Variants in PLSCR4 observed in about 807,000 individuals in gnomAD.
PLSCR4 encodes the protein phospholipid scramblase 4, also known as Ca(2+)-dependent phospholipid scramblase 4.
A neutral mutation model predicts 36.3 loss-of-function variants in PLSCR4; 25 were observed. That is an observed-to-expected ratio of 0.69 (90% CI 0.50 to 0.96). The LOEUF (loss-of-function observed/expected upper bound fraction) is 0.96, where lower values mean the gene tolerates loss of function less well. PLSCR4 is among the 40% of genes least tolerant of loss of function. The pLI is 0.00. For missense variants in PLSCR4, 408 were observed against 414.7 expected, an observed-to-expected ratio of 0.98 and a Z score of 0.14; for synonymous variants, 122 against 132.9, an observed-to-expected ratio of 0.92 and a Z score of 0.56.
Position 146,214,117 on chromosome 3 carries a change from C to CTTTT in PLSCR4, c.118+6694_118+6697dup, listed in dbSNP as rs1300325064. On this transcript the variant is annotated intron_variant, in intron 3 of 8. Transcript: ENST00000354952. ...GTTTGATTACTGATTTGATATCTTC[C>CTTTT]TTTTTTTTTTTTTTTTTTTTTTGAG... Among the ~76,000 whole-genome samples the CTTTT allele has an allele frequency of 1.1e-4, 6 of 55,802 alleles. 1 individual carries two copies. Among genetic ancestry groups the CTTTT allele is most frequent in the African/African-American group, 2.8e-4 (5 of 17,548 alleles). 36.6% of individuals were successfully genotyped at this position (55,802 alleles called of 152,430 possible). A position where few individuals can be genotyped will look rare whatever the true frequency, so the allele number is the denominator to read the frequency against.
At chr3:146,199,319 T>C (rs1044551803) in intron 6 of PLSCR4, among the ~76,000 whole-genome samples, 1 of 152,168 alleles carries the variant, frequency 6.6e-6, no homozygotes, top group African/African-American at 2.4e-5. Flanking sequence ...TCAGCACATC[T>C]GTATTCTAGT....
At chr3:146,216,312 A>G (rs2034889177) in intron 3 of PLSCR4, among the ~76,000 whole-genome samples, 1 of 152,158 alleles carries the variant, frequency 6.6e-6, no homozygotes, top group Non-Finnish European at 1.5e-5. Flanking sequence ...TGCATAATGA[A>G]AAATTCACTT....
intron 1 of PLSCR4, among the ~76,000 whole-genome samples, chr3:146,223,055 T>G (rs941412485): frequency 6.6e-6 from 1 of 151,584 alleles, no homozygotes; most frequent in African/African-American, 2.4e-5. Flanking sequence ...AGTGGGGGAA[T>G]AGTGGGGATG....
In PLSCR4 at chr3:146,199,825, A is replaced by T. The variant is rs1457272197; in HGVS notation, c.612T>A (p.Ser204=). The stretch of plus-strand genomic sequence containing the variant: ...TCCATTCTCTGACCTCTTGTCTGGC[A>T]GAGGGGCAACAGAAGCAACAGCAGG... ...RCTCCCFCCP[S]ARQELEVQCP... Residue 204 remains serine (S), a synonymous_variant, in exon 6 of 9, where the codon TCT becomes TCA. Coordinates refer to ENST00000354952, the MANE Select transcript of PLSCR4 (RefSeq NM_020353.3). 1 of 1,612,850 alleles carries T rather than the reference A, an allele frequency of 6.2e-7. No individual in the cohort carries two copies. Among genetic ancestry groups the T allele is most frequent in the Admixed American group, 1.7e-5 (1 of 59,802 alleles).
chr3:146,218,765 C>G (rs368583548), intron 3 of PLSCR4, among the ~76,000 whole-genome samples: 1 of 152,092 alleles, frequency 6.6e-6, no homozygotes, highest in African/African-American at 2.4e-5. Context: ...TGTTACGGAG[C>G]GTTGTCCTAC....
At chr3:146,220,987 TTC>T (rs2035112427) in intron 2 of PLSCR4, 62 bp from the exon 3 acceptor site, 1 of 976,102 alleles carries the variant, frequency 1.0e-6, no homozygotes, top group Non-Finnish European at 1.5e-6. Context: ...ACAAAATGTA[TTC>T]TTTTTCCTTT....
At chr3:146,244,968 G>C (rs1426525753) in intron 1 of PLSCR4, among the ~76,000 whole-genome samples, 1 of 152,034 alleles carries the variant, frequency 6.6e-6, no homozygotes, top group East Asian at 1.9e-4. Context: ...TTATTCATGG[G>C]AGGAAGTCAA....
At chr3:146,213,334 C>CTT (rs60242461) in intron 3 of PLSCR4, among the ~76,000 whole-genome samples, 9 of 125,512 alleles carry the variant, frequency 7.2e-5, no homozygotes, top group Admixed American at 1.7e-4. Context: ...GTAAAATTTC[C>CTT]TTTTTTTTTT....
chr3:146,213,399 T>G (rs187660326), intron 3 of PLSCR4, among the ~76,000 whole-genome samples: 1 of 148,864 alleles, frequency 6.7e-6, no homozygotes, highest in African/African-American at 2.5e-5. Context: ...TGGTGTGATC[T>G]TTGCTTACTG....
chr3:146,218,701 T>C (rs2035002363), intron 3 of PLSCR4, among the ~76,000 whole-genome samples: 1 of 152,074 alleles, frequency 6.6e-6, no homozygotes, highest in African/African-American at 2.4e-5. Flanking sequence ...CAAAACAAAA[T>C]ATGTTTAACT....
rs2033963650 is a variant in PLSCR4, at chr3:146,200,019, T to C, written c.418A>G (p.Asn140Asp). Residue 140 changes from asparagine (N) to aspartate (D), a missense_variant, in exon 6 of 9, where the codon AAT (asparagine) becomes GAT (aspartate). Transcript: ENST00000354952. ...TTGTTTTTAATATCATATCTATTAT[T>C]AGTTTCAAAACATGTCATCACTAAA... Reference protein sequence around the residue: ...PLEMMTCFETNNRYDIKNNSD... With the variant: ...PLEMMTCFETDNRYDIKNNSD... 1 of 1,588,094 alleles carries C rather than the reference T, an allele frequency of 6.3e-7. No individual in the cohort carries two copies. Among genetic ancestry groups the C allele is most frequent in the Middle Eastern group, 1.7e-4 (1 of 5,992 alleles).
intron 1 of PLSCR4, among the ~76,000 whole-genome samples, chr3:146,241,103 C>T (rs1397624401): frequency 6.6e-6 from 1 of 152,126 alleles, no homozygotes; most frequent in Admixed American, 6.5e-5. Context: ...CCATATAGTA[C>T]ATGATTCTAC....
intron 1 of PLSCR4, among the ~76,000 whole-genome samples, chr3:146,225,328 T>C (rs1304210100): frequency 6.6e-6 from 1 of 152,226 alleles, no homozygotes; most frequent in African/African-American, 2.4e-5. Context: ...ACATAAAGAC[T>C]CTCCACTTCC....
chr3:146,229,636 TA>T (rs60804384), intron 1 of PLSCR4, among the ~76,000 whole-genome samples: 21,668 of 140,864 alleles, frequency 0.15, 2,292 homozygotes, highest in African/African-American at 0.25. Context: ...TTTATTTATT[TA>T]TTTATGAGAT....
chr3:146,226,998 T>C (rs2035506600), intron 1 of PLSCR4, among the ~76,000 whole-genome samples: 1 of 152,226 alleles, frequency 6.6e-6, no homozygotes, highest in Non-Finnish European at 1.5e-5. Context: ...TATAAAATTT[T>C]ACAATATAGT....
rs1013664022 is a variant in PLSCR4 at position 146,192,970 on chromosome 3, C to A, written c.*1441G>T. On this transcript the variant is annotated 3_prime_UTR_variant, in exon 9 of 9. Coordinates refer to ENST00000354952, the MANE Select transcript of PLSCR4 (RefSeq NM_020353.3). ...GGCTAAGACCCTCATCTCAGAATAA[C>A]CCCATCTAAGAACACTCAGGCTTTC... is the stretch of plus-strand genomic sequence containing the variant. 1.3e-5 allele frequency: 2 copies of A among 151,950 alleles called. No individual in the cohort carries two copies. The highest frequency in any genetic ancestry group is 4.8e-5 in the African/African-American group (2 of 41,382). The allele number at this position is 151,950 out of a possible 1,614,324, so 9.4% of individuals were successfully genotyped here. A position where few individuals can be genotyped will look rare whatever the true frequency, so the allele number is the denominator to read the frequency against.
chr3:146,209,147 A>G (rs1040567632), intron 3 of PLSCR4, among the ~76,000 whole-genome samples: 2 of 152,182 alleles, frequency 1.3e-5, no homozygotes, highest in African/African-American at 2.4e-5. Context: ...TTCTAAGGAA[A>G]GTAATTCAGG....
intron 3 of PLSCR4, among the ~76,000 whole-genome samples, chr3:146,216,180 G>A (rs960587815): frequency 2.0e-5 from 3 of 152,102 alleles, no homozygotes; most frequent in African/African-American, 7.2e-5. Context: ...ACAGTTAGCC[G>A]AGATTGCATC....
rs910629391 is a variant in PLSCR4 at position 146,216,674 on chromosome 3, G to A, written c.118+4141C>T. Among the ~76,000 whole-genome samples the A allele has an allele frequency of 3.3e-5, 5 of 152,158 alleles. No homozygotes were observed. In the East Asian group the frequency reaches 9.6e-4, roughly 29 times the overall value. On this transcript the variant is annotated intron_variant, in intron 3 of 8. Transcript: ENST00000354952. Reference sequence around the variant, plus strand: ...GAATTAGAATTCCAGCATTCTGACTGCAGAAACGTCCTTAAATACATCATG... The same window carrying A: ...GAATTAGAATTCCAGCATTCTGACTACAGAAACGTCCTTAAATACATCATG...
Sources: gnomAD v4.1 joint callset for allele counts (sites outside exome capture counted in the v4.1 genomes callset) on GRCh38, gnomAD v4.1.1 for gene constraint, MANE v1.5 for transcripts, NCBI Gene and HGNC (gene_info 2026-07-23, HGNC 2026-07-21) for gene names.